Variants in CAMK1G observed in about 807,000 individuals in gnomAD.
The protein encoded by CAMK1G is calcium/calmodulin-dependent protein kinase type 1G.
In CAMK1G, 27 loss-of-function variants were observed where a neutral mutation model predicts 54.8. The observed-to-expected ratio is 0.49, with a 90% CI of 0.36 to 0.68. The LOEUF (loss-of-function observed/expected upper bound fraction) is 0.68. Ranked by LOEUF, CAMK1G falls within the 30% of genes least tolerant of loss-of-function variation. CAMK1G has a pLI of 0.00. For missense variants in CAMK1G, 512 were observed against 591.0 expected (o/e 0.87, Z 1.39); for synonymous variants, 238 against 224.9 (o/e 1.06, Z -0.52).
At chr1:209,587,813 AGAAAAC>A (rs1665140319) in intron 1 of CAMK1G, among the ~76,000 whole-genome samples, 1 of 152,156 alleles carries the variant, frequency 6.6e-6, no homozygotes, top group Non-Finnish European at 1.5e-5. Flanking sequence ...TGACCCAGCA[AGAAAAC>A]TTCCCAACTT....
intron 1 of CAMK1G, among the ~76,000 whole-genome samples, chr1:209,585,227 A>G (rs1177448183): frequency 1.3e-5 from 2 of 152,196 alleles, no homozygotes; most frequent in East Asian, 3.9e-4. Context: ...TTGAGCTGGA[A>G]CCATGAGAGG....
intron 10 of CAMK1G, 52 bp from the exon 11 acceptor site, chr1:209,611,740 C>T: frequency 1.3e-6 from 2 of 1,587,614 alleles, no homozygotes; most frequent in African/African-American, 2.7e-5. Flanking sequence ...GTTTAAGCTC[C>T]AAGGCCCTCT....
chr1:209,602,871 A>G (rs908105215), intron 3 of CAMK1G, among the ~76,000 whole-genome samples: 4 of 152,228 alleles, frequency 2.6e-5, no homozygotes, highest in African/African-American at 9.6e-5. Context: ...CCTACTTTGT[A>G]GAATAACCTA....
intron 3 of CAMK1G, among the ~76,000 whole-genome samples, chr1:209,600,769 G>A (rs1665508111): frequency 6.6e-6 from 1 of 152,248 alleles, no homozygotes; most frequent in African/African-American, 2.4e-5. Flanking sequence ...CTATGCATAT[G>A]TTTTTATGAG....
chr1:209,591,743 G>A (rs1385644352), intron 1 of CAMK1G, among the ~76,000 whole-genome samples: 1 of 152,186 alleles, frequency 6.6e-6, no homozygotes, highest in Non-Finnish European at 1.5e-5. Context: ...GGATTCCACA[G>A]TCCTCTGGAT....
chr1:209,588,892 C>T (rs35104617), intron 1 of CAMK1G, among the ~76,000 whole-genome samples: 27,669 of 152,114 alleles, frequency 0.18, 2,763 homozygotes, highest in African/African-American at 0.23. Context: ...GAAAGGGCTG[C>T]ACTCAGAGGC....
intron 1 of CAMK1G, among the ~76,000 whole-genome samples, chr1:209,587,196 C>T (rs1362762913): frequency 6.6e-6 from 1 of 151,880 alleles, no homozygotes; most frequent in Non-Finnish European, 1.5e-5. Context: ...GGGTTGCAAC[C>T]CGTGAACTGG....
chr1:209,599,940 T>G (rs762254423), intron 2 of CAMK1G, 43 bp from the exon 3 acceptor site: 8 of 1,607,994 alleles, frequency 5.0e-6, no homozygotes, highest in Non-Finnish European at 6.8e-6. Flanking sequence ...GTGTAAGATG[T>G]CTGCCCCCTA....
At position 209,612,096 on chromosome 1, in the gene CAMK1G, A is replaced by G; in HGVS notation, c.1220A>G (p.His407Arg). Residue 407 changes from histidine (H) to arginine (R), a missense_variant, in exon 11 of 13, where the codon CAT (histidine) becomes CGT (arginine). This residue lies in a region of CAMK1G where 315 missense variants were observed against 330.5 expected (regional missense o/e 0.95). Transcript: ENST00000361322. ...LHISSSLVPM[H>R]QGSLAAGPCG... ...ATCAGCAGCAGCCTGGTGCCCATGC[A>G]TCAGGGGTCCCTGGCCGCCGGGCCC... 3 of 1,614,202 alleles carry G rather than the reference A, an allele frequency of 1.9e-6. No individual in the cohort carries two copies. The highest frequency in any genetic ancestry group is 2.5e-6 in the Non-Finnish European group (3 of 1,179,990).
At chr1:209,608,945 G>A (rs761411304) in intron 7 of CAMK1G, 35 bp from the exon 8 acceptor site, 1 of 1,612,888 alleles carries the variant, frequency 6.2e-7, no homozygotes, top group South Asian at 1.1e-5. Flanking sequence ...GGACAGGTTT[G>A]TTCAGTAGTA....
chr1:209,594,812 T>C, intron 1 of CAMK1G, 143 bp from the exon 2 acceptor site: 1 of 568,718 alleles, frequency 1.8e-6, no homozygotes, highest in Non-Finnish European at 3.1e-6. Flanking sequence ...GTTTCACTTT[T>C]TCCAGTTATC....
At position 209,609,891 on chromosome 1, in the gene CAMK1G, C is replaced by G; in HGVS notation, c.789C>G (p.Asn263Lys). Residue 263 changes from asparagine to lysine, a missense_variant, in exon 9 of 13, where the codon AAC becomes AAG. By Grantham distance (94) the Asn-to-Lys change is moderately conservative. Around this residue, in one of 3 missense-constraint regions of CAMK1G, gnomAD observed 315 missense variants for 330.5 expected, o/e 0.95. Coordinates refer to ENST00000361322, the MANE Select transcript of CAMK1G (RefSeq NM_020439.3). ...GCCACTTGCTTGAGAAGGATCCGAA[C>G]GAGCGGTACACCTGTGAGAAGGCCT... is the stretch of plus-strand genomic sequence containing the variant. ...FICHLLEKDP[N>K]ERYTCEKALS... is the part of the protein sequence containing the mutation. The G allele has an allele frequency of 3.1e-6, 5 of 1,614,080 alleles. No homozygotes were observed. Among genetic ancestry groups the G allele is most frequent in the Non-Finnish European group, 4.2e-6 (5 of 1,179,992 alleles).
chr1:209,608,899 T>G (rs916356742), intron 7 of CAMK1G, 81 bp from the exon 8 acceptor site: 1 of 1,582,972 alleles, frequency 6.3e-7, no homozygotes, highest in African/African-American at 1.3e-5. Flanking sequence ...GTGTATACAG[T>G]GGGAGCTTGG....
At position 209,613,779 on chromosome 1, in the gene CAMK1G, C is replaced by A. The variant is rs1051990305; in HGVS notation, c.*777C>A. On this transcript the variant is annotated 3_prime_UTR_variant, in exon 13 of 13. Coordinates refer to ENST00000361322, the MANE Select transcript of CAMK1G (RefSeq NM_020439.3). ...CAATGGAGTTAACCTTGGAAGTTGA[C>A]TATTTTAATGTCTGCCAGGAGTTCT... 2.0e-5 allele frequency: 3 copies of A among 152,222 alleles called. No individual in the cohort carries two copies. The highest frequency in any genetic ancestry group is 7.2e-5 in the African/African-American group (3 of 41,442). 9.4% of individuals were successfully genotyped at this position (152,222 alleles called of 1,614,324 possible).
At chr1:209,584,527 G>C (rs1665045043) in intron 1 of CAMK1G, among the ~76,000 whole-genome samples, 1 of 151,942 alleles carries the variant, frequency 6.6e-6, no homozygotes, top group Non-Finnish European at 1.5e-5. Context: ...ATCTTAAAAG[G>C]AGGTCTGGAT....
chr1:209,607,383 T>G, intron 6 of CAMK1G, among the ~76,000 whole-genome samples: 1 of 152,150 alleles, frequency 6.6e-6, no homozygotes, highest in Non-Finnish European at 1.5e-5. Flanking sequence ...ACATACTGCC[T>G]TTGCTCTGGG....
At chr1:209,588,362 G>C (rs1665157652) in intron 1 of CAMK1G, among the ~76,000 whole-genome samples, 1 of 17,792 alleles carries the variant, frequency 5.6e-5, no homozygotes, top group South Asian at 1.5e-3. Context: ...GAATGGATTG[G>C]ATTGGATTGG....
chr1:209,608,681 A>G (rs182865192), intron 7 of CAMK1G, among the ~76,000 whole-genome samples: 1 of 152,348 alleles, frequency 6.6e-6, no homozygotes. Context: ...TTTCTTAAAC[A>G]TATTTTATAT....
In CAMK1G at chr1:209,601,452, A is replaced by C. The variant is rs187966661; in HGVS notation, c.221+1341A>C. On this transcript the variant is annotated intron_variant, in intron 3 of 12. Transcript: ENST00000361322. The stretch of plus-strand genomic sequence containing the variant: ...GTAGGCTTGGATGAAATAGAAAGAA[A>C]TTGGTTGGAACATACTGAATATGAG... Among the ~76,000 whole-genome samples the C allele has an allele frequency of 3.8e-4, 58 of 152,306 alleles. 1 individual carries two copies. The East Asian group carries it at 0.01, about 27-fold the overall frequency.
Sources: gnomAD v4.1 joint callset for allele counts (sites outside exome capture counted in the v4.1 genomes callset) on GRCh38, gnomAD v4.1.1 for gene constraint, gnomAD v4.1.1 regional missense constraint, MANE v1.5 for transcripts, NCBI Gene and HGNC (gene_info 2026-07-23, HGNC 2026-07-21) for gene names.